Variants in ARHGAP27 observed in about 807,000 individuals in gnomAD.
ARHGAP27 encodes Rho GTPase activating protein 27.
ARHGAP27 carries 53 observed loss-of-function variants against 102.0 expected under a neutral mutation model. The ratio of observed to expected loss-of-function variants is 0.52; its 90% CI spans 0.42 to 0.65. The LOEUF (loss-of-function observed/expected upper bound fraction) is 0.65, where lower values mean the gene tolerates loss of function less well. Among genes scored for constraint, ARHGAP27 ranks in the 30% least tolerant of loss-of-function variants. ARHGAP27 has a pLI of 0.00. For synonymous variants in ARHGAP27, 525 were observed against 542.8 expected, an observed-to-expected ratio of 0.97 and a Z score of 0.46; for missense variants, 1,117 against 1,256.2, an observed-to-expected ratio of 0.89 and a Z score of 1.68.
Position 45,420,729 on chromosome 17 carries a change from C to T in ARHGAP27, c.657+8894G>A, listed in dbSNP as rs368894027. ...CAGCACTTTGGGAGGATGAGGCAGG[C>T]GGATCATGAGGTCAGGAGATTGAGA... On this transcript the variant is annotated intron_variant, in intron 4 of 19. Coordinates refer to ENST00000685559, the MANE Select transcript of ARHGAP27 (RefSeq NM_001282290.2). Among the ~76,000 whole-genome samples, 152 of 151,772 alleles carry T rather than the reference C, an allele frequency of 1.0e-3. 1 individual carries two copies. Among genetic ancestry groups the T allele is most frequent in the African/African-American group, 3.5e-3 (144 of 41,362 alleles).
intron 12 of ARHGAP27, among the ~76,000 whole-genome samples, chr17:45,400,054 T>G (rs1218281982): frequency 2.0e-5 from 3 of 152,068 alleles, no homozygotes; most frequent in Non-Finnish European, 2.9e-5. Flanking sequence ...TTCCAGCTAC[T>G]GGGGAGGCTG....
rs764971255 is a variant in ARHGAP27 at position 45,395,653 on chromosome 17, G to C, written c.2493-20C>G. ...ATCACCCTGTGGCAGGGGTGGGTGG[G>C]TTCAGGGCTCCGAACTGCGAACTGC... On this transcript the variant is annotated intron_variant, in intron 19 of 19. Coordinates refer to ENST00000685559, the MANE Select transcript of ARHGAP27 (RefSeq NM_001282290.2). 1.2e-5 allele frequency: 19 copies of C among 1,589,118 alleles called. No individual in the cohort carries two copies. The highest frequency in any genetic ancestry group is 2.7e-5 in the African/African-American group (2 of 74,598).
chr17:45,413,464 T>C (rs935459573), intron 4 of ARHGAP27, among the ~76,000 whole-genome samples: 2 of 152,064 alleles, frequency 1.3e-5, no homozygotes, highest in Non-Finnish European at 2.9e-5. Context: ...GCTGCTTGAA[T>C]TTCTGGGCCT....
intron 11 of ARHGAP27, 25 bp downstream of exon 11, chr17:45,403,593 TC>T: frequency 6.4e-7 from 1 of 1,570,840 alleles, no homozygotes; most frequent in Non-Finnish European, 8.7e-7. Flanking sequence ...GATGGGATGG[TC>T]CCTGCCCTGA....
In ARHGAP27 at chr17:45,397,451, A is replaced by G. The variant is rs2045891738; in HGVS notation, c.1843-427T>C. 1.2e-5 allele frequency: 4 copies of G among 332,326 alleles called. No homozygotes were observed. In the South Asian group the frequency reaches 3.4e-4, roughly 29 times the overall value. The allele number at this position is 332,326 out of a possible 1,614,324, so 20.6% of individuals were successfully genotyped here. ...TCTCTGGCTCTGGATTCCTACCTCT[A>G]TTAATACAGCCAAAAGCTTCACTCA... On this transcript the variant is annotated intron_variant, in intron 13 of 19. Coordinates refer to ENST00000685559, the MANE Select transcript of ARHGAP27 (RefSeq NM_001282290.2).
At chr17:45,431,950 C>T (rs62064653) in intron 2 of ARHGAP27, among the ~76,000 whole-genome samples, 198 bp from the exon 3 acceptor site, 19,356 of 152,004 alleles carry the variant, frequency 0.13, 1,565 homozygotes, top group Middle Eastern at 0.21. Flanking sequence ...TGGCAGGTCG[C>T]GAGCGGAGCC....
chr17:45,419,195 C>T (rs1249752916), intron 4 of ARHGAP27, among the ~76,000 whole-genome samples: 1 of 150,836 alleles, frequency 6.6e-6, no homozygotes, highest in Non-Finnish European at 1.5e-5. Context: ...TGAAAGGTCA[C>T]AGGACAACTG....
rs917889652 is a variant in ARHGAP27 at position 45,395,400 on chromosome 17, C to T, written c.*56G>A. The T allele has an allele frequency of 1.5e-5, 23 of 1,510,738 alleles. No homozygotes were observed. The highest frequency in any genetic ancestry group is 6.9e-5 in the African/African-American group (5 of 72,208). The allele number at this position is 1,510,738 out of a possible 1,614,324, so 93.6% of individuals were successfully genotyped here. A position where few individuals can be genotyped will look rare whatever the true frequency, so the allele number is the denominator to read the frequency against. On this transcript the variant is annotated 3_prime_UTR_variant, in exon 20 of 20. Transcript: ENST00000685559. Reference sequence around the variant, plus strand: ...GAAGAAGGCCCGGCTGCGTGGCCTCCGCCGCCCAGCTTGTGTGGCAGGACC... The same window carrying T: ...GAAGAAGGCCCGGCTGCGTGGCCTCTGCCGCCCAGCTTGTGTGGCAGGACC...
At position 45,426,790 on chromosome 17, in the gene ARHGAP27, G is replaced by A. The variant is rs563441411; in HGVS notation, c.657+2833C>T. On this transcript the variant is annotated intron_variant, in intron 4 of 19. Transcript: ENST00000685559. The stretch of plus-strand genomic sequence containing the variant: ...TGCCCGTTGTCCACACACTCAATTC[G>A]CACCCTCACTTCACTACTGACCACT... Among the ~76,000 whole-genome samples, 15 of 152,046 alleles carry A rather than the reference G, an allele frequency of 9.9e-5. 1 individual carries two copies. The East Asian group carries it at 1.4e-3, about 14-fold the overall frequency.
In ARHGAP27 at chr17:45,429,691, C is replaced by A. The variant is rs865937635; in HGVS notation, c.589G>T (p.Asp197Tyr). Reference sequence around the variant, plus strand: ...ATGACCTCGTAGACGTTCTCTGAGTCGCTGCGCGCCAGAGGCCGCGGGCAC... The same window carrying A: ...ATGACCTCGTAGACGTTCTCTGAGTAGCTGCGCGCCAGAGGCCGCGGGCAC... ...WVCPRPLARS[D>Y]SENVYEVIQD... Residue 197 changes from aspartate (D) to tyrosine (Y), a missense_variant, in exon 4 of 20, where the codon GAC (aspartate) becomes TAC (tyrosine). Physicochemically the swap from Asp to Tyr is radical, Grantham distance 160. This residue lies in a region of ARHGAP27 where 610 missense variants were observed against 716.4 expected (regional missense o/e 0.85). Coordinates refer to ENST00000685559, the MANE Select transcript of ARHGAP27 (RefSeq NM_001282290.2). The A allele has an allele frequency of 6.4e-7, 1 of 1,566,202 alleles. No individual in the cohort carries two copies. Among genetic ancestry groups the A allele is most frequent in the Non-Finnish European group, 8.7e-7 (1 of 1,155,584 alleles).
chr17:45,412,742 A>C (rs554414581), intron 4 of ARHGAP27, among the ~76,000 whole-genome samples: 1 of 152,250 alleles, frequency 6.6e-6, no homozygotes, highest in African/African-American at 2.4e-5. Context: ...GGCCTGGCCC[A>C]GAGCTACATG....
intron 13 of ARHGAP27, 78 bp downstream of exon 13, chr17:45,397,871 C>T: frequency 7.6e-7 from 1 of 1,318,792 alleles, no homozygotes; most frequent in South Asian, 1.4e-5. Flanking sequence ...CTTAGAGCTC[C>T]CTGAGCCTGA....
At position 45,429,653 on chromosome 17, in the gene ARHGAP27, G is replaced by A; in HGVS notation, c.627C>T (p.His209=). The change falls in exon 4 of 20, where the codon CAC becomes CAT. Residue 209 remains histidine (H), a synonymous_variant. Coordinates refer to ENST00000685559, the MANE Select transcript of ARHGAP27 (RefSeq NM_001282290.2). ...ENVYEVIQDL[H]VPPPEESAEQ... is the part of the protein sequence containing the mutation. ...CTGCGCTCTCCTCCGGCGGCGGGAC[G>A]TGCAAGTCCTGGATGACCTCGTAGA... 6.3e-7 allele frequency: 1 copy of A among 1,581,324 alleles called. No individual in the cohort carries two copies. Among genetic ancestry groups the A allele is most frequent in the Non-Finnish European group, 8.6e-7 (1 of 1,163,450 alleles).
At chr17:45,410,323 G>C (rs1398376212) in intron 4 of ARHGAP27, 2 of 1,486,652 alleles carry the variant, frequency 1.3e-6, no homozygotes, top group Non-Finnish European at 1.8e-6. Flanking sequence ...CAGAGCCCTG[G>C]GAAGGTTTTG....
chr17:45,405,417 TCACCCTCTG>T (rs1310506385), intron 5 of ARHGAP27, among the ~76,000 whole-genome samples: 1 of 142,774 alleles, frequency 7.0e-6, no homozygotes, highest in East Asian at 2.2e-4. Flanking sequence ...GCCCCACCCC[TCACCCTCTG>T]GTCCTTAGGT....
intron 13 of ARHGAP27, chr17:45,397,413 C>T: frequency 1.9e-6 from 1 of 522,810 alleles, no homozygotes; most frequent in Non-Finnish European, 2.7e-6. Context: ...CCAACAACTG[C>T]ACCAATATCA....
intron 4 of ARHGAP27, among the ~76,000 whole-genome samples, chr17:45,416,640 C>T (rs1000901500): frequency 6.6e-6 from 1 of 151,072 alleles, no homozygotes; most frequent in African/African-American, 2.4e-5. Context: ...CCTCTGCCTC[C>T]CAGGTTCAAG....
At chr17:45,404,214 CT>C in intron 9 of ARHGAP27, 54 bp downstream of exon 9, 1 of 1,612,254 alleles carries the variant, frequency 6.2e-7, no homozygotes, top group Non-Finnish European at 8.5e-7. Context: ...CGTGTCTCCA[CT>C]GAACCCTCCT....
Position 45,396,077 on chromosome 17 carries a change from G to A in ARHGAP27, c.2292C>T (p.Val764=). 2 of 1,613,920 alleles carry A rather than the reference G, an allele frequency of 1.2e-6. No homozygotes were observed. Among genetic ancestry groups the A allele is most frequent in the Non-Finnish European group, 1.7e-6 (2 of 1,179,902 alleles). ...LDLDDGRWED[V]HVITGALKLF... ...GCTTCAGGGCTCCGGTGATAACGTG[G>A]ACGTCCTCCCAGCGCCCGTCATCCA... is the stretch of plus-strand genomic sequence containing the variant. The change falls in exon 18 of 20, where the codon GTC becomes GTT. Residue 764 remains valine (V), a synonymous_variant. Coordinates refer to ENST00000685559, the MANE Select transcript of ARHGAP27 (RefSeq NM_001282290.2).
Sources: allele counts gnomAD v4.1 joint callset (sites outside exome capture counted in the v4.1 genomes callset), GRCh38; gene constraint gnomAD v4.1.1; regional missense constraint gnomAD v4.1.1; transcripts MANE v1.5; gene names NCBI Gene and HGNC (gene_info 2026-07-23, HGNC 2026-07-21).